TMCC3: variants seen among roughly 807,000 people sequenced by gnomAD.
The protein encoded by TMCC3 is transmembrane and coiled-coil domain protein 3.
In TMCC3, 28 loss-of-function variants were observed where a neutral mutation model predicts 40.2. That is an observed-to-expected ratio of 0.70 (90% confidence interval 0.52 to 0.95). The LOEUF (loss-of-function observed/expected upper bound fraction) is 0.95, where lower values mean the gene tolerates loss of function less well. TMCC3 is among the 40% of genes least tolerant of loss of function. The pLI is 0.00. For missense variants in TMCC3, 554 were observed against 615.2 expected (o/e 0.90, Z 1.05); for synonymous variants, 255 against 248.5 (o/e 1.03, Z -0.25).
intron 1 of TMCC3, among the ~76,000 whole-genome samples, chr12:94,633,427 T>C (rs1286621597): frequency 1.3e-5 from 2 of 152,188 alleles, no homozygotes; most frequent in African/African-American, 2.4e-5. Flanking sequence ...GGCAGATATA[T>C]GGGTATCATA....
chr12:94,583,150 A>G (rs2068617005), intron 1 of TMCC3, among the ~76,000 whole-genome samples: 2 of 150,540 alleles, frequency 1.3e-5, no homozygotes, highest in East Asian at 2.0e-4. Flanking sequence ...CAGTATTTAG[A>G]TATGGAAACA....
intron 1 of TMCC3, among the ~76,000 whole-genome samples, chr12:94,583,867 T>C (rs913317082): frequency 6.6e-6 from 1 of 152,250 alleles, no homozygotes; most frequent in Admixed American, 6.5e-5. Flanking sequence ...CAGCTCTTTG[T>C]AGAGTTCAAA....
At chr12:94,593,035 A>G (rs1407148600) in intron 1 of TMCC3, among the ~76,000 whole-genome samples, 1 of 151,820 alleles carries the variant, frequency 6.6e-6, no homozygotes, top group Admixed American at 6.6e-5. Flanking sequence ...CGTCTCTAAT[A>G]AAAATAGAAA....
chr12:94,571,382 A>G lies in TMCC3; in HGVS notation c.*53T>C. 1 of 1,573,648 alleles carries G rather than the reference A, an allele frequency of 6.4e-7. No homozygotes were observed. Among genetic ancestry groups the G allele is most frequent in the Non-Finnish European group, 8.6e-7 (1 of 1,156,352 alleles). On this transcript the variant is annotated 3_prime_UTR_variant, in exon 4 of 4. Transcript: ENST00000261226. The stretch of plus-strand genomic sequence containing the variant: ...CTGTAAAATTTGGTAGTATGCACAG[A>G]GTTTTCTTTAAAATAAAAACTTGAA...
intron 1 of TMCC3, among the ~76,000 whole-genome samples, chr12:94,594,661 C>T (rs774923851): frequency 1.3e-5 from 2 of 152,208 alleles, no homozygotes; most frequent in South Asian, 2.1e-4. Flanking sequence ...GAACCGCCCC[C>T]AGGAAAAACG....
At chr12:94,594,588 C>A (rs2068704252) in intron 1 of TMCC3, among the ~76,000 whole-genome samples, 1 of 152,122 alleles carries the variant, frequency 6.6e-6, no homozygotes, top group Non-Finnish European at 1.5e-5. Flanking sequence ...TCAGTAAAAC[C>A]TCCCCAGGAA....
rs776718792 is a variant in TMCC3, at chr12:94,571,283, G to A, written c.*152C>T. On this transcript the variant is annotated 3_prime_UTR_variant, in exon 4 of 4. Coordinates refer to ENST00000261226, the MANE Select transcript of TMCC3 (RefSeq NM_020698.4). ...AAGGACTGAGTTGGCAACTGCTACGGAGTTAAGAGAATTGTAGTTATTTAC... is the reference window on the plus strand; with the variant it reads ...AAGGACTGAGTTGGCAACTGCTACGAAGTTAAGAGAATTGTAGTTATTTAC... 1.3e-5 allele frequency: 10 copies of A among 780,314 alleles called. No homozygotes were observed. The highest frequency in any genetic ancestry group is 2.8e-5 in the Admixed American group (1 of 35,320). 48.3% of individuals were successfully genotyped at this position (780,314 alleles called of 1,614,324 possible).
intron 1 of TMCC3, among the ~76,000 whole-genome samples, chr12:94,604,196 T>C (rs998921150): frequency 6.6e-6 from 1 of 152,234 alleles, no homozygotes; most frequent in Non-Finnish European, 1.5e-5. Context: ...TTGATCCAGA[T>C]TGCTAATGCC....
intron 3 of TMCC3, among the ~76,000 whole-genome samples, chr12:94,576,153 C>T (rs1265626775): frequency 6.6e-6 from 1 of 152,036 alleles, no homozygotes; most frequent in Non-Finnish European, 1.5e-5. Context: ...TCTCTTAATC[C>T]AGAACAGGGC....
In TMCC3 at chr12:94,568,338, A is replaced by T. The variant is rs1457210420; in HGVS notation, c.*3097T>A. On this transcript the variant is annotated 3_prime_UTR_variant, in exon 4 of 4. Transcript: ENST00000261226. Reference sequence around the variant, plus strand: ...TCAGAGTTTGAGCTTGAAATAACCAACTCAAGACCCACAGGAGACTATGTC... The same window carrying T: ...TCAGAGTTTGAGCTTGAAATAACCATCTCAAGACCCACAGGAGACTATGTC... 6.6e-6 allele frequency: 1 copy of T among 151,256 alleles called. No individual in the cohort carries two copies. The highest frequency in any genetic ancestry group is 1.9e-4 in the East Asian group (1 of 5,168). The allele number at this position is 151,256 out of a possible 1,614,324, so 9.4% of individuals were successfully genotyped here.
At chr12:94,611,186 A>G (rs1205991487) in intron 1 of TMCC3, among the ~76,000 whole-genome samples, 1 of 152,172 alleles carries the variant, frequency 6.6e-6, no homozygotes, top group Admixed American at 6.5e-5. Context: ...ACTTTTAGAA[A>G]AGTAACTCCC....
At chr12:94,592,062 C>G (rs1038657445) in intron 1 of TMCC3, among the ~76,000 whole-genome samples, 1 of 152,214 alleles carries the variant, frequency 6.6e-6, no homozygotes, top group Admixed American at 6.5e-5. Flanking sequence ...CACTTTCCCC[C>G]ACTGTGTGCT....
intron 1 of TMCC3, among the ~76,000 whole-genome samples, chr12:94,646,564 G>A (rs969656849): frequency 1.3e-5 from 2 of 149,850 alleles, no homozygotes; most frequent in Non-Finnish European, 3.0e-5. Context: ...TCAGCCTTCC[G>A]AGTAGCTGGG....
At chr12:94,595,898 G>A (rs1263651925) in intron 1 of TMCC3, among the ~76,000 whole-genome samples, 3 of 151,996 alleles carry the variant, frequency 2.0e-5, no homozygotes, top group Non-Finnish European at 4.4e-5. Context: ...ACATTCAATC[G>A]ATATTTTGGT....
rs141043683 is a variant in TMCC3 at position 94,592,924 on chromosome 12, C to A, written c.79-10386G>T. 3.5e-3 allele frequency among the ~76,000 whole-genome samples: 528 copies of A among 152,056 alleles called. 3 individuals carry two copies. Among genetic ancestry groups the A allele is most frequent in the African/African-American group, 0.012 (497 of 41,498 alleles). Reference sequence around the variant, plus strand: ...AGAGATAATTATCTTCGGCCAGGCGCGGTGGCTCATGCCTGTAATCCCAAC... The same window carrying A: ...AGAGATAATTATCTTCGGCCAGGCGAGGTGGCTCATGCCTGTAATCCCAAC... On this transcript the variant is annotated intron_variant, in intron 1 of 3. Coordinates refer to ENST00000261226, the MANE Select transcript of TMCC3 (RefSeq NM_020698.4).
chr12:94,567,218 A>G lies in TMCC3; in HGVS notation c.*4217T>C, dbSNP rs1202656141. Reference sequence around the variant, plus strand: ...GGCACCTGCTTTGGATTCATTGATGACACCACAATGGGGTGAAGATCTACA... The same window carrying G: ...GGCACCTGCTTTGGATTCATTGATGGCACCACAATGGGGTGAAGATCTACA... On this transcript the variant is annotated 3_prime_UTR_variant, in exon 4 of 4. Coordinates refer to ENST00000261226, the MANE Select transcript of TMCC3 (RefSeq NM_020698.4). The G allele has an allele frequency of 6.6e-6, 1 of 152,212 alleles. No individual in the cohort carries two copies. The highest frequency in any genetic ancestry group is 2.4e-5 in the African/African-American group (1 of 41,450). 9.4% of individuals were successfully genotyped at this position (152,212 alleles called of 1,614,324 possible). A position where few individuals can be genotyped will look rare whatever the true frequency, so the allele number is the denominator to read the frequency against.
intron 1 of TMCC3, among the ~76,000 whole-genome samples, chr12:94,602,772 A>C (rs2068760543): frequency 6.6e-6 from 1 of 152,092 alleles, no homozygotes; most frequent in Admixed American, 6.6e-5. Context: ...AATTTCCAAG[A>C]TTGTTTTCCT....
intron 1 of TMCC3, among the ~76,000 whole-genome samples, chr12:94,621,258 C>T (rs11107625): frequency 0.012 from 1,855 of 152,274 alleles, 49 homozygotes; most frequent in African/African-American, 0.043. Flanking sequence ...GTTAACACTG[C>T]GGGTAAGCAA....
chr12:94,623,997 G>T (rs2068889773), intron 1 of TMCC3, among the ~76,000 whole-genome samples: 1 of 152,246 alleles, frequency 6.6e-6, no homozygotes, highest in African/African-American at 2.4e-5. Context: ...CTCAGCTAAA[G>T]AAAATTTACC....
Sources: gnomAD v4.1 joint callset for allele counts (sites outside exome capture counted in the v4.1 genomes callset) on GRCh38, gnomAD v4.1.1 for gene constraint, MANE v1.5 for transcripts, NCBI Gene and HGNC (gene_info 2026-07-23, HGNC 2026-07-21) for gene names.